NBAS: variants seen among roughly 807,000 people sequenced by gnomAD.
NBAS encodes the protein NAG/BC035112 fusion.
Under a neutral mutation model 302.5 loss-of-function variants are expected in NBAS, and 219 were observed. The observed-to-expected ratio is 0.72, with a 90% CI of 0.65 to 0.81. NBAS has a LOEUF of 0.81. Among genes scored for constraint, NBAS ranks in the 30% least tolerant of loss-of-function variants. The pLI, the probability that NBAS is intolerant of heterozygous loss-of-function variation, is 0.00. For synonymous variants in NBAS, 1,118 were observed against 1,021.6 expected (o/e 1.09, Z -1.80); for missense variants, 2,932 against 2,841.6 (o/e 1.03, Z -0.72).
chr2:14,857,244 C>G, the NBAS span, among the ~76,000 whole-genome samples: 1 of 152,092 alleles, frequency 6.6e-6, no homozygotes, highest in Non-Finnish European at 1.5e-5. Flanking sequence ...AATGTCCATA[C>G]TATCCAAAAC....
chr2:15,249,659 T>C (rs1263514101), intron 44 of NBAS, among the ~76,000 whole-genome samples: 1 of 152,162 alleles, frequency 6.6e-6, no homozygotes, highest in Non-Finnish European at 1.5e-5. Context: ...AGCATTTCTA[T>C]ACACCAATAA....
chr2:15,444,873 A>G (rs1407735509), intron 21 of NBAS, among the ~76,000 whole-genome samples: 2 of 152,162 alleles, frequency 1.3e-5, no homozygotes, highest in Non-Finnish European at 2.9e-5. Context: ...TCAAAAGAAG[A>G]CATTTATGCA....
At chr2:15,149,511 G>A in the NBAS span, among the ~76,000 whole-genome samples, 6 of 151,914 alleles carry the variant, frequency 3.9e-5, no homozygotes, top group African/African-American at 1.4e-4. Flanking sequence ...TTTGACACAG[G>A]GTCTCACACT....
chr2:15,383,235 C>T lies in NBAS; in HGVS notation c.3340G>A (p.Asp1114Asn). The T allele has an allele frequency of 1.2e-6, 2 of 1,613,768 alleles. No homozygotes were observed. Among genetic ancestry groups the T allele is most frequent in the Non-Finnish European group, 1.7e-6 (2 of 1,179,770 alleles). The change falls in exon 29 of 52, where the codon GAT (aspartate) becomes AAT (asparagine). Residue 1114 changes from aspartate to asparagine, a missense_variant. Asp to Asn is a conservative substitution (Grantham distance 23). Transcript: ENST00000281513. ...GTTACCTCATAGCAGGCATCAGAAT[C>T]TAGACATGTGTATACATTCTGCTGC... ...TMQQNVYTCL[D>N]SDACYEIFTE...
intron 44 of NBAS, among the ~76,000 whole-genome samples, chr2:15,264,879 C>T (rs1164728414): frequency 6.6e-6 from 1 of 152,124 alleles, no homozygotes; most frequent in Non-Finnish European, 1.5e-5. Context: ...CTCCACAATT[C>T]GAGTGCAGCC....
At chr2:15,535,871 G>C (rs1445644774) in intron 8 of NBAS, among the ~76,000 whole-genome samples, 1 of 152,134 alleles carries the variant, frequency 6.6e-6, no homozygotes, top group Non-Finnish European at 1.5e-5. Flanking sequence ...AAACTAATCT[G>C]TGATTTTAAA....
chr2:14,937,908 A>C, the NBAS span, among the ~76,000 whole-genome samples: 1 of 152,060 alleles, frequency 6.6e-6, no homozygotes, highest in South Asian at 2.1e-4. Context: ...AGGCAGGGAG[A>C]CCATGAAGTC....
At chr2:14,843,918 C>T in the NBAS span, among the ~76,000 whole-genome samples, 1 of 152,078 alleles carries the variant, frequency 6.6e-6, no homozygotes, top group East Asian at 1.9e-4. Context: ...GCGGTCGGAA[C>T]TTCAGTTTCA....
the NBAS span, among the ~76,000 whole-genome samples, chr2:15,054,720 A>G: frequency 1.3e-5 from 2 of 152,198 alleles, no homozygotes; most frequent in African/African-American, 4.8e-5. Context: ...CCAACTGATC[A>G]GATGTGTCAC....
At chr2:14,836,547 G>A in the NBAS span, among the ~76,000 whole-genome samples, 1 of 151,830 alleles carries the variant, frequency 6.6e-6, no homozygotes, top group Non-Finnish European at 1.5e-5. Context: ...TCTTCCGTGT[G>A]CGTGACTTTT....
intron 3 of NBAS, among the ~76,000 whole-genome samples, chr2:15,555,844 T>G (rs1664620254): frequency 6.6e-6 from 1 of 152,082 alleles, no homozygotes; most frequent in South Asian, 2.1e-4. Flanking sequence ...TCCTTCTCAA[T>G]AAATAAAAAA....
chr2:15,325,044 C>A (rs766855899), intron 38 of NBAS, among the ~76,000 whole-genome samples: 1 of 152,202 alleles, frequency 6.6e-6, no homozygotes, highest in Non-Finnish European at 1.5e-5. Context: ...CCTTAATACA[C>A]TGAGAAATCA....
chr2:15,331,626 TATTC>T (rs1334229441), intron 35 of NBAS, among the ~76,000 whole-genome samples: 3 of 152,234 alleles, frequency 2.0e-5, no homozygotes, highest in African/African-American at 7.2e-5. Flanking sequence ...TATATCATGT[TATTC>T]ATTAAGACAC....
intron 9 of NBAS, among the ~76,000 whole-genome samples, chr2:15,530,379 A>G (rs2148674024): frequency 6.6e-6 from 1 of 152,224 alleles, no homozygotes; most frequent in Middle Eastern, 3.4e-3. Flanking sequence ...AATAAAATCT[A>G]AAATCACAAT....
At chr2:15,118,944 T>C in the NBAS span, among the ~76,000 whole-genome samples, 1 of 152,176 alleles carries the variant, frequency 6.6e-6, no homozygotes, top group Non-Finnish European at 1.5e-5. Flanking sequence ...CAGTGTGAGT[T>C]AAACAACAAA....
intron 9 of NBAS, 95 bp downstream of exon 9, chr2:15,534,448 A>T: frequency 1.1e-6 from 1 of 909,220 alleles, no homozygotes; most frequent in Non-Finnish European, 1.9e-6. Context: ...GGAGGAAATT[A>T]AGAAGTCAAC....
At chr2:15,445,464 A>G (rs1247502826) in intron 21 of NBAS, among the ~76,000 whole-genome samples, 1 of 137,902 alleles carries the variant, frequency 7.3e-6, no homozygotes, top group Non-Finnish European at 1.5e-5. Context: ...ATGAGAACAC[A>G]TGGACACAGG....
At chr2:15,252,886 T>A (rs1390451860) in intron 44 of NBAS, among the ~76,000 whole-genome samples, 2 of 151,940 alleles carry the variant, frequency 1.3e-5, no homozygotes, top group Non-Finnish European at 2.9e-5. Flanking sequence ...TACATGGAAA[T>A]AAAAATATAT....
At chr2:14,855,932 T>C in the NBAS span, among the ~76,000 whole-genome samples, 1 of 152,178 alleles carries the variant, frequency 6.6e-6, no homozygotes. Context: ...ACATAGGCAG[T>C]AGCAGGGAGT....
Sources: allele counts gnomAD v4.1 joint callset (sites outside exome capture counted in the v4.1 genomes callset), GRCh38; gene constraint gnomAD v4.1.1; transcripts MANE v1.5; gene names NCBI Gene and HGNC (gene_info 2026-07-23, HGNC 2026-07-21).